Variants in VKORC1L1 observed in about 807,000 individuals in gnomAD.
The protein encoded by VKORC1L1 is vitamin K epoxide reductase complex subunit 1L1.
Under a neutral mutation model 18.9 loss-of-function variants are expected in VKORC1L1, and 2 were observed. The ratio of observed to expected loss-of-function variants is 0.11; its 90% CI spans 0.04 to 0.33. The LOEUF (loss-of-function observed/expected upper bound fraction) is 0.33, where lower values mean the gene tolerates loss of function less well. Among genes scored for constraint, VKORC1L1 ranks in the 10% least tolerant of loss-of-function variants. VKORC1L1 has a pLI of 1.00. For synonymous variants in VKORC1L1, 96 were observed against 100.0 expected, an observed-to-expected ratio of 0.96 and a Z score of 0.24; for missense variants, 123 against 224.1, an observed-to-expected ratio of 0.55 and a Z score of 2.88.
intron 1 of VKORC1L1, among the ~76,000 whole-genome samples, chr7:65,922,893 C>A (rs1789699428): frequency 6.6e-6 from 1 of 152,048 alleles, no homozygotes. Context: ...ATTTACGTGT[C>A]CTGCTTGGGG....
chr7:65,866,870 A>G, the VKORC1L1 span, among the ~76,000 whole-genome samples: 1 of 151,978 alleles, frequency 6.6e-6, no homozygotes, highest in African/African-American at 2.4e-5. Flanking sequence ...GAGGAAGAGG[A>G]GGAGGGGGAA....
chr7:65,882,719 A>G (rs1383610284), intron 1 of VKORC1L1, among the ~76,000 whole-genome samples: 3 of 152,252 alleles, frequency 2.0e-5, no homozygotes, highest in African/African-American at 2.4e-5. Context: ...ATATAAGCAC[A>G]TTCAGTACTA....
chr7:65,911,852 AC>A (rs1251923113), intron 1 of VKORC1L1, among the ~76,000 whole-genome samples: 2 of 152,190 alleles, frequency 1.3e-5, no homozygotes, highest in Non-Finnish European at 2.9e-5. Context: ...TTTTGCTCTG[AC>A]TGGATGATTG....
At chr7:65,906,800 CAT>C (rs1789413473) in intron 1 of VKORC1L1, among the ~76,000 whole-genome samples, 1 of 152,100 alleles carries the variant, frequency 6.6e-6, no homozygotes, top group African/African-American at 2.4e-5. Flanking sequence ...GAGGGGCCAG[CAT>C]GGGTTTTATG....
chr7:65,939,340 G>A (rs1435491110), intron 1 of VKORC1L1, among the ~76,000 whole-genome samples: 1 of 152,186 alleles, frequency 6.6e-6, no homozygotes, highest in Non-Finnish European at 1.5e-5. Context: ...AACTGGTGGT[G>A]GTCGTGGAGG....
chr7:65,899,262 GT>G (rs1180473939), intron 1 of VKORC1L1, among the ~76,000 whole-genome samples: 1 of 152,182 alleles, frequency 6.6e-6, no homozygotes, highest in Non-Finnish European at 1.5e-5. Flanking sequence ...CTGTTCAACA[GT>G]TTCCCCCCTT....
intron 1 of VKORC1L1, among the ~76,000 whole-genome samples, chr7:65,883,301 C>G (rs1788959076): frequency 2.6e-5 from 4 of 151,676 alleles, no homozygotes; most frequent in Admixed American, 6.6e-5. Flanking sequence ...GCCACCATGC[C>G]TGGCTGATTT....
rs751685120 is a variant in VKORC1L1, at chr7:65,920,842, CAGAA to C, written c.195-27826_195-27823del. Among the ~76,000 whole-genome samples, 113 of 133,002 alleles carry C rather than the reference CAGAA, an allele frequency of 8.5e-4. 1 individual carries two copies. The highest frequency in any genetic ancestry group is 1.2e-3 in the Non-Finnish European group (77 of 61,732). The allele number at this position is 133,002 out of a possible 152,430, so 87.3% of individuals were successfully genotyped here. A position where few individuals can be genotyped will look rare whatever the true frequency, so the allele number is the denominator to read the frequency against. ...CCCTGTTTTTAGAAAAAAAAAAAGA[CAGAA>C]AGGAAGAGAGGGAGGGAGGAAGAAA... is the stretch of plus-strand genomic sequence containing the variant. On this transcript the variant is annotated intron_variant, in intron 1 of 2. Coordinates refer to ENST00000360768, the MANE Select transcript of VKORC1L1 (RefSeq NM_173517.6).
intron 1 of VKORC1L1, among the ~76,000 whole-genome samples, chr7:65,945,504 T>C (rs1441429718): frequency 6.6e-6 from 1 of 150,838 alleles, no homozygotes; most frequent in Non-Finnish European, 1.5e-5. Flanking sequence ...CCCAGCCACT[T>C]GGGAGGCTGA....
At chr7:65,942,640 C>T (rs1441917835) in intron 1 of VKORC1L1, among the ~76,000 whole-genome samples, 1 of 151,896 alleles carries the variant, frequency 6.6e-6, no homozygotes, top group African/African-American at 2.4e-5. Context: ...ATTTTTCTGC[C>T]TCAGTCTCCC....
At chr7:65,934,744 A>C (rs1328818901) in intron 1 of VKORC1L1, among the ~76,000 whole-genome samples, 1 of 152,064 alleles carries the variant, frequency 6.6e-6, no homozygotes, top group East Asian at 1.9e-4. Context: ...ACAAATGTTA[A>C]AGCACTTTAG....
chr7:65,884,545 G>C (rs573933671), intron 1 of VKORC1L1, among the ~76,000 whole-genome samples: 2 of 152,308 alleles, frequency 1.3e-5, no homozygotes, highest in South Asian at 4.1e-4. Flanking sequence ...GCTGAGGCAG[G>C]AGAATTGCTT....
intron 1 of VKORC1L1, among the ~76,000 whole-genome samples, chr7:65,898,724 C>T (rs1453144424): frequency 6.6e-6 from 1 of 152,136 alleles, no homozygotes; most frequent in Admixed American, 6.6e-5. Flanking sequence ...AACTTACTAT[C>T]TTAAACATTT....
At chr7:65,902,042 G>T (rs3112836) in intron 1 of VKORC1L1, among the ~76,000 whole-genome samples, 152,021 of 152,312 alleles carry the variant, frequency 1, 75,866 homozygotes, top group East Asian at 1. Flanking sequence ...TCTTACCTGT[G>T]TGTGAGAACA....
intron 1 of VKORC1L1, among the ~76,000 whole-genome samples, chr7:65,922,965 C>A (rs1194633564): frequency 6.6e-6 from 1 of 152,094 alleles, no homozygotes; most frequent in Non-Finnish European, 1.5e-5. Flanking sequence ...AAATTTTAAC[C>A]ATTATCTCTC....
At chr7:65,932,188 C>T (rs2115668246) in intron 1 of VKORC1L1, among the ~76,000 whole-genome samples, 1 of 152,052 alleles carries the variant, frequency 6.6e-6, no homozygotes, top group East Asian at 1.9e-4. Context: ...ACCTCTGCCT[C>T]CCGGGTTCCA....
intron 1 of VKORC1L1, among the ~76,000 whole-genome samples, chr7:65,914,167 G>C (rs1425789154): frequency 6.6e-6 from 1 of 151,946 alleles, no homozygotes; most frequent in East Asian, 1.9e-4. Flanking sequence ...ACCCAGACTG[G>C]AGTGCAGTGG....
Position 65,873,193 on chromosome 7 carries a change from G to A in VKORC1L1, c.-179G>A, listed in dbSNP as rs1308862418. The A allele has an allele frequency of 1.3e-6, 1 of 790,514 alleles. No individual in the cohort carries two copies. The highest frequency in any genetic ancestry group is 1.5e-6 in the Non-Finnish European group (1 of 653,068). The allele number at this position is 790,514 out of a possible 1,614,324, so 49.0% of individuals were successfully genotyped here. ...TCCTTTTGGGGCGGTTGGGCCGCGC[G>A]CCTGTGGGGGCGGGGCCCGGAGCAG... On this transcript the variant is annotated 5_prime_UTR_variant, in exon 1 of 3. Coordinates refer to ENST00000360768, the MANE Select transcript of VKORC1L1 (RefSeq NM_173517.6).
At chr7:65,894,991 A>T (rs557497890) in intron 1 of VKORC1L1, among the ~76,000 whole-genome samples, 3 of 152,356 alleles carry the variant, frequency 2.0e-5, no homozygotes, top group Admixed American at 6.5e-5. Flanking sequence ...AAATGCTAAA[A>T]CATATTTTGT....
Sources: allele counts gnomAD v4.1 joint callset (sites outside exome capture counted in the v4.1 genomes callset), GRCh38; gene constraint gnomAD v4.1.1; transcripts MANE v1.5; gene names NCBI Gene and HGNC (gene_info 2026-07-23, HGNC 2026-07-21).